Variants in SYT1 observed in about 807,000 individuals in gnomAD.
The protein encoded by SYT1 is synaptotagmin-1.
A neutral mutation model predicts 44.8 loss-of-function variants in SYT1; 8 were observed. The observed-to-expected ratio is 0.18, with a 90% CI of 0.10 to 0.32. The LOEUF is 0.32. SYT1 is among the 10% of genes least tolerant of loss of function. SYT1 has a pLI of 1.00. For synonymous variants in SYT1, 154 were observed against 188.8 expected, an observed-to-expected ratio of 0.82 and a Z score of 1.51; for missense variants, 286 against 509.3, an observed-to-expected ratio of 0.56 and a Z score of 4.22.
chr12:78,957,326 C>G (rs1879264617), intron 1 of SYT1, among the ~76,000 whole-genome samples: 2 of 152,092 alleles, frequency 1.3e-5, no homozygotes, highest in Non-Finnish European at 1.5e-5. Flanking sequence ...AAGAAGAATA[C>G]CTAAGAAGTA....
At chr12:79,147,688 G>A (rs996408862) in intron 3 of SYT1, among the ~76,000 whole-genome samples, 1 of 152,048 alleles carries the variant, frequency 6.6e-6, no homozygotes, top group Non-Finnish European at 1.5e-5. Flanking sequence ...CCATCACAAT[G>A]ATTAAAAATA....
intron 3 of SYT1, among the ~76,000 whole-genome samples, chr12:79,154,633 G>C (rs765825441): frequency 1.3e-5 from 2 of 152,052 alleles, no homozygotes; most frequent in Non-Finnish European, 2.9e-5. Context: ...GTAGAGTGAA[G>C]CATTTAGAAA....
chr12:79,270,042 A>G (rs1416270339), intron 4 of SYT1, among the ~76,000 whole-genome samples: 2 of 152,144 alleles, frequency 1.3e-5, no homozygotes, highest in Non-Finnish European at 2.9e-5. Flanking sequence ...TTCCATTTGT[A>G]TTGTATAATT....
chr12:79,240,367 C>A (rs191906747), intron 4 of SYT1, among the ~76,000 whole-genome samples: 184 of 152,252 alleles, frequency 1.2e-3, no homozygotes, highest in Non-Finnish European at 2.0e-3. Context: ...TTTTTGGTGT[C>A]ATTCCATTAT....
intron 8 of SYT1, among the ~76,000 whole-genome samples, chr12:79,349,779 G>A (rs1333670609): frequency 6.6e-6 from 1 of 152,008 alleles, no homozygotes; most frequent in East Asian, 1.9e-4. Context: ...ACTTTAGAGT[G>A]ATAAATAAAA....
At chr12:79,360,787 G>A (rs1489600534) in intron 9 of SYT1, among the ~76,000 whole-genome samples, 1 of 152,094 alleles carries the variant, frequency 6.6e-6, no homozygotes, top group Non-Finnish European at 1.5e-5. Context: ...AAAATAATCT[G>A]AATTCGTAAA....
At chr12:79,406,024 G>T (rs946261649) in intron 9 of SYT1, among the ~76,000 whole-genome samples, 3 of 152,056 alleles carry the variant, frequency 2.0e-5, no homozygotes, top group Non-Finnish European at 4.4e-5. Flanking sequence ...GTACAAGAAT[G>T]ACAGGAAAGT....
chr12:79,060,692 T>A (rs1274119555), intron 3 of SYT1, among the ~76,000 whole-genome samples: 2 of 152,134 alleles, frequency 1.3e-5, no homozygotes, highest in East Asian at 3.9e-4. Context: ...ATATATCACA[T>A]TTTGTTTATC....
chr12:79,011,657 T>TAAA (rs11289217), intron 2 of SYT1, among the ~76,000 whole-genome samples: 40 of 108,164 alleles, frequency 3.7e-4, no homozygotes, highest in Non-Finnish European at 5.7e-4. Flanking sequence ...CAGAGATTTG[T>TAAA]AAAAAAAAAA....
chr12:78,901,159 G>T (rs1875641424), intron 1 of SYT1, among the ~76,000 whole-genome samples: 1 of 151,846 alleles, frequency 6.6e-6, no homozygotes, highest in Admixed American at 6.6e-5. Flanking sequence ...ATCTTTTCAG[G>T]TTAATGATTT....
intron 2 of SYT1, among the ~76,000 whole-genome samples, chr12:79,011,316 CA>C (rs1871391453): frequency 6.6e-6 from 1 of 152,048 alleles, no homozygotes; most frequent in Admixed American, 6.5e-5. Flanking sequence ...GTTTACATAC[CA>C]GCTTAGAAGA....
At chr12:78,889,288 T>C (rs113203287) in intron 1 of SYT1, among the ~76,000 whole-genome samples, 2 of 151,944 alleles carry the variant, frequency 1.3e-5, no homozygotes, top group African/African-American at 4.8e-5. Flanking sequence ...TTCTGGGGAA[T>C]GAGCTTATAG....
intron 1 of SYT1, among the ~76,000 whole-genome samples, chr12:78,881,364 T>G (rs2137055997): frequency 6.6e-6 from 1 of 151,880 alleles, no homozygotes; most frequent in African/African-American, 2.4e-5. Context: ...CTCAGCATAT[T>G]TCCAGCATTA....
chr12:79,294,833 G>A (rs1034276002), intron 6 of SYT1, among the ~76,000 whole-genome samples: 1 of 151,252 alleles, frequency 6.6e-6, no homozygotes, highest in African/African-American at 2.4e-5. Flanking sequence ...CCATCTGTCT[G>A]TGTTTTGTTT....
At chr12:78,954,851 T>C (rs1448917019) in intron 1 of SYT1, among the ~76,000 whole-genome samples, 1 of 152,170 alleles carries the variant, frequency 6.6e-6, no homozygotes, top group Non-Finnish European at 1.5e-5. Context: ...ACTCTTTTAT[T>C]GCACTATTAG....
intron 2 of SYT1, among the ~76,000 whole-genome samples, chr12:79,035,008 G>T (rs886190996): frequency 4.0e-5 from 6 of 151,574 alleles, no homozygotes; most frequent in African/African-American, 1.2e-4. Flanking sequence ...CCTCTAGGCT[G>T]TAATTTTTGT....
chr12:79,366,893 A>ACT (rs1384806118), intron 9 of SYT1, among the ~76,000 whole-genome samples: 39 of 102,280 alleles, frequency 3.8e-4, no homozygotes, highest in African/African-American at 1.2e-3. Context: ...TATAAATAAT[A>ACT]CTGTGTGTGT....
At chr12:79,380,275 C>A (rs558831539) in intron 9 of SYT1, among the ~76,000 whole-genome samples, 1 of 152,318 alleles carries the variant, frequency 6.6e-6, no homozygotes, top group Non-Finnish European at 1.5e-5. Context: ...AAACAAGTCC[C>A]AGAGTTTAGA....
At position 79,193,157 on chromosome 12, in the gene SYT1, C is replaced by A. The variant is rs137885847; in HGVS notation, c.-17-24346C>A. The stretch of plus-strand genomic sequence containing the variant: ...CAGGAAACAATTTTTTAAACATTTT[C>A]TTTATACTAGGGTTGAGCTAGACAC... On this transcript the variant is annotated intron_variant, in intron 3 of 10. Transcript: ENST00000261205. Among the ~76,000 whole-genome samples, 28 of 152,240 alleles carry A rather than the reference C, an allele frequency of 1.8e-4. No individual in the cohort carries two copies. The East Asian group carries it at 5.2e-3, about 28-fold the overall frequency.
Sources: allele counts gnomAD v4.1 joint callset (sites outside exome capture counted in the v4.1 genomes callset), GRCh38; gene constraint gnomAD v4.1.1; transcripts MANE v1.5; gene names NCBI Gene and HGNC (gene_info 2026-07-23, HGNC 2026-07-21).